Variants in LCP1 observed in about 807,000 individuals in gnomAD.
LCP1 encodes lymphocyte cytosolic protein 1, also known as plastin-2.
In LCP1, 23 loss-of-function variants were observed where a neutral mutation model predicts 72.0. That is an observed-to-expected ratio of 0.32 (90% CI 0.23 to 0.45). The LOEUF (loss-of-function observed/expected upper bound fraction) is 0.45, where lower values mean the gene tolerates loss of function less well. LCP1 is among the 20% of genes least tolerant of loss of function. The pLI is 1.00. For synonymous variants in LCP1, 245 were observed against 275.4 expected (o/e 0.89, Z 1.09); for missense variants, 571 against 748.3 (o/e 0.76, Z 2.76).
intron 9 of LCP1, among the ~76,000 whole-genome samples, chr13:46,147,589 G>A (rs1352016018): frequency 6.6e-6 from 1 of 151,950 alleles, no homozygotes; most frequent in Admixed American, 6.6e-5. Flanking sequence ...ACATTGAGTT[G>A]GTATACTTGC....
rs761143285 is a variant in LCP1 at position 46,152,923 on chromosome 13, T to C, written c.596A>G (p.Asn199Ser). 6.2e-7 allele frequency: 1 copy of C among 1,608,888 alleles called. No homozygotes were observed. The highest frequency in any genetic ancestry group is 8.5e-7 in the Non-Finnish European group (1 of 1,178,652). Residue 199 changes from asparagine (N) to serine (S), a missense_variant, in exon 7 of 16, where the codon AAC (asparagine) becomes AGC (serine). Coordinates refer to ENST00000323076, the MANE Select transcript of LCP1 (RefSeq NM_002298.5). ...TIQENLNLAL[N>S]SASAIGCHVV... ...ATGGCACCCGATGGCTGAGGCAGAG[T>C]TCAGAGCCAAGTTCAGATTTTCCTG...
intron 5 of LCP1, among the ~76,000 whole-genome samples, chr13:46,155,315 T>G (rs979285684): frequency 6.6e-6 from 1 of 152,180 alleles, no homozygotes; most frequent in African/African-American, 2.4e-5. Context: ...GGACCAAACT[T>G]TGTATCTTCA....
intron 1 of LCP1, among the ~76,000 whole-genome samples, chr13:46,178,915 T>C (rs1395232984): frequency 6.6e-6 from 1 of 152,208 alleles, no homozygotes; most frequent in African/African-American, 2.4e-5. Flanking sequence ...ATTTTAAAAG[T>C]TGCTTGCCAT....
chr13:46,154,957 A>G (rs769107054), intron 5 of LCP1, 71 bp from the exon 6 acceptor site: 72 of 1,092,392 alleles, frequency 6.6e-5, no homozygotes, highest in Non-Finnish European at 9.8e-5. Context: ...TTGAATTTAA[A>G]TTCTAGCAAT....
chr13:46,164,031 C>T (rs113090270), intron 1 of LCP1, among the ~76,000 whole-genome samples: 2 of 152,142 alleles, frequency 1.3e-5, no homozygotes, highest in Non-Finnish European at 2.9e-5. Flanking sequence ...TACTATAAGC[C>T]AGGTGCTATT....
At chr13:46,168,169 C>A (rs1291387571) in intron 1 of LCP1, among the ~76,000 whole-genome samples, 1 of 152,180 alleles carries the variant, frequency 6.6e-6, no homozygotes, top group Non-Finnish European at 1.5e-5. Context: ...GGCTGTGTAA[C>A]TTTAGGCTCC....
chr13:46,131,319 A>G (rs1480910422), intron 14 of LCP1, among the ~76,000 whole-genome samples: 2 of 152,232 alleles, frequency 1.3e-5, no homozygotes, highest in East Asian at 1.9e-4. Flanking sequence ...ACTGCACACC[A>G]TTCAGAAGGG....
rs1020868950 is a variant in LCP1, at chr13:46,169,024, G to T, written c.-24-9338C>A. ...AGAATGTAGAGGTGGAGGGATCTTA[G>T]AGATGATCTATCTGGCCACTCCCCT... On this transcript the variant is annotated intron_variant, in intron 1 of 15. Transcript: ENST00000323076. Among the ~76,000 whole-genome samples, 17 of 152,328 alleles carry T rather than the reference G, an allele frequency of 1.1e-4. No individual in the cohort carries two copies. The South Asian group carries it at 3.1e-3, about 28-fold the overall frequency.
Position 46,156,470 on chromosome 13 carries a change from G to C in LCP1, c.459C>G (p.Leu153=). 6.2e-7 allele frequency: 1 copy of C among 1,614,178 alleles called. No homozygotes were observed. Among genetic ancestry groups the C allele is most frequent in the Non-Finnish European group, 8.5e-7 (1 of 1,180,022 alleles). The change falls in exon 5 of 16, where the codon CTC becomes CTG. Residue 153 remains leucine (L), a synonymous_variant. Transcript: ENST00000323076. ...CAATGCCATCTCCAACAGCATTAAA[G>C]AGATCATTCGTGTTTGGGTTCATTG... ...VIPMNPNTND[L]FNAVGDGIVL...
At chr13:46,157,496 C>T in intron 4 of LCP1, among the ~76,000 whole-genome samples, 1 of 151,940 alleles carries the variant, frequency 6.6e-6, no homozygotes, top group Non-Finnish European at 1.5e-5. Context: ...TTAATAAAAA[C>T]TCAAGTTATG....
At chr13:46,156,414 A>G (rs1390188442) in intron 5 of LCP1, 24 bp downstream of exon 5, 1 of 1,606,948 alleles carries the variant, frequency 6.2e-7, no homozygotes, top group Non-Finnish European at 8.5e-7. Context: ...ATTCTTTGGA[A>G]ACCAAGAAAG....
chr13:46,158,291 C>T (rs1405261987), intron 4 of LCP1, among the ~76,000 whole-genome samples: 3 of 152,154 alleles, frequency 2.0e-5, no homozygotes, highest in Non-Finnish European at 2.9e-5. Context: ...ATCTGGGCAG[C>T]CTTTAATGAT....
At chr13:46,162,660 C>T (rs1288996059) in intron 1 of LCP1, among the ~76,000 whole-genome samples, 5 of 152,146 alleles carry the variant, frequency 3.3e-5, no homozygotes, top group Non-Finnish European at 7.4e-5. Flanking sequence ...CAACCTCCAC[C>T]TCCCAGCCGC....
At chr13:46,170,133 C>T (rs1566445989) in intron 1 of LCP1, among the ~76,000 whole-genome samples, 1 of 152,202 alleles carries the variant, frequency 6.6e-6, no homozygotes, top group Non-Finnish European at 1.5e-5. Context: ...TCCCCTATCA[C>T]CTTCTTTGAG....
chr13:46,180,660 A>G (rs565585075), intron 1 of LCP1, among the ~76,000 whole-genome samples: 1 of 152,344 alleles, frequency 6.6e-6, no homozygotes, highest in Admixed American at 6.5e-5. Flanking sequence ...TATCTTTGTA[A>G]CATATGGGGT....
intron 8 of LCP1, among the ~76,000 whole-genome samples, chr13:46,149,589 G>T (rs1281615254): frequency 6.6e-6 from 1 of 152,170 alleles, no homozygotes; most frequent in African/African-American, 2.4e-5. Flanking sequence ...CATCTCCCAA[G>T]GTTGCTGGCT....
chr13:46,148,667 GACAAGATATAC>G (rs1019100561), intron 8 of LCP1: 2 of 502,928 alleles, frequency 4.0e-6, no homozygotes, highest in African/African-American at 3.9e-5. Flanking sequence ...CAATAAAATA[GACAAGATATAC>G]ACAAAAGGCA....
intron 1 of LCP1, among the ~76,000 whole-genome samples, chr13:46,163,789 G>A (rs963317896): frequency 4.6e-5 from 7 of 152,156 alleles, no homozygotes; most frequent in Non-Finnish European, 1.0e-4. Context: ...TCTGTTTTAA[G>A]GAATTAGTAT....
In LCP1 at chr13:46,158,921, A is replaced by G; in HGVS notation, c.133T>C (p.Leu45=). 1 of 1,614,166 alleles carries G rather than the reference A, an allele frequency of 6.2e-7. No individual in the cohort carries two copies. Among genetic ancestry groups the G allele is most frequent in the South Asian group, 1.1e-5 (1 of 91,086 alleles). The change falls in exon 3 of 16, where the codon TTG becomes CTG. Residue 45 remains leucine (L), a synonymous_variant. Transcript: ENST00000323076. ...NDLFKAACLP[L]PGYRVREITE... is the part of the protein sequence containing the mutation. ...ATTTCTCGTACTCTATACCCAGGCA[A>G]AGGCAAGCAAGCAGCCTTGAACAAG...
Sources: gnomAD v4.1 joint callset for allele counts (sites outside exome capture counted in the v4.1 genomes callset) on GRCh38, gnomAD v4.1.1 for gene constraint, MANE v1.5 for transcripts, NCBI Gene and HGNC (gene_info 2026-07-23, HGNC 2026-07-21) for gene names.